Variants in NDUFA10 observed in about 807,000 individuals in gnomAD.
NDUFA10 encodes the protein NADH:ubiquinone oxidoreductase subunit A10.
Under a neutral mutation model 47.8 loss-of-function variants are expected in NDUFA10, and 40 were observed. The ratio of observed to expected loss-of-function variants is 0.84; its 90% confidence interval spans 0.65 to 1.09. NDUFA10 has a LOEUF of 1.09. NDUFA10 is among the 50% of genes least tolerant of loss of function. The probability of loss-of-function intolerance (pLI) is 0.00; values close to 1 mark genes in which losing one functional copy is unlikely to be tolerated. For synonymous variants in NDUFA10, 183 were observed against 172.2 expected (o/e 1.06, Z -0.49); for missense variants, 413 against 451.1 (o/e 0.92, Z 0.76).
intron 4 of NDUFA10, among the ~76,000 whole-genome samples, chr2:239,896,638 G>A (rs1297343764): frequency 6.6e-6 from 1 of 152,192 alleles, no homozygotes; most frequent in African/African-American, 2.4e-5. Flanking sequence ...CACATTTCTG[G>A]ATAATTAGGG....
intron 9 of NDUFA10, chr2:239,973,545 T>C (rs1315561031): frequency 2.1e-6 from 1 of 470,702 alleles, no homozygotes; most frequent in East Asian, 6.9e-5. Context: ...AGCAACTATC[T>C]TGGACACGAT....
At chr2:239,944,029 C>T (rs564162078) in intron 4 of NDUFA10, among the ~76,000 whole-genome samples, 1 of 152,178 alleles carries the variant, frequency 6.6e-6, no homozygotes, top group Admixed American at 6.5e-5. Context: ...TCCTGGGCCT[C>T]CCCTGTGTCC....
At chr2:239,919,954 C>T (rs1345176689) in intron 4 of NDUFA10, among the ~76,000 whole-genome samples, 8 of 152,194 alleles carry the variant, frequency 5.3e-5, no homozygotes, top group South Asian at 2.1e-4. Context: ...AGGATAGCCA[C>T]GGTCCAAGGC....
chr2:239,916,910 C>A (rs1337685312), intron 4 of NDUFA10, among the ~76,000 whole-genome samples: 3 of 152,262 alleles, frequency 2.0e-5, no homozygotes, highest in Non-Finnish European at 4.4e-5. Flanking sequence ...AGACTTGATG[C>A]CCAAGATCTG....
intron 8 of NDUFA10, among the ~76,000 whole-genome samples, chr2:239,998,813 C>T (rs1044654778): frequency 4.6e-5 from 7 of 152,174 alleles, no homozygotes; most frequent in Non-Finnish European, 1.0e-4. Flanking sequence ...TGTCAGTGTC[C>T]CTCACAGGAG....
At chr2:239,980,781 C>T (rs565007722) in intron 9 of NDUFA10, among the ~76,000 whole-genome samples, 9 of 152,294 alleles carry the variant, frequency 5.9e-5, no homozygotes, top group African/African-American at 1.9e-4. Context: ...GCTGAAGCCG[C>T]GGTGCCCTCG....
At chr2:239,995,103 A>G (rs1052214916) in intron 8 of NDUFA10, among the ~76,000 whole-genome samples, 1 of 152,118 alleles carries the variant, frequency 6.6e-6, no homozygotes, top group South Asian at 2.1e-4. Context: ...GCAAAACCCC[A>G]TTCCTACTAA....
intron 4 of NDUFA10, among the ~76,000 whole-genome samples, chr2:239,950,135 A>G (rs1443036612): frequency 6.6e-6 from 1 of 152,148 alleles, no homozygotes; most frequent in Non-Finnish European, 1.5e-5. Flanking sequence ...GTGGTGGCAG[A>G]GATTTAGAAA....
intron 4 of NDUFA10, among the ~76,000 whole-genome samples, chr2:239,904,716 C>T (rs999184978): frequency 2.0e-5 from 3 of 152,228 alleles, no homozygotes; most frequent in African/African-American, 4.8e-5. Context: ...CTGGGGCCAC[C>T]ATAACACCTG....
chr2:240,005,174 C>T, intron 8 of NDUFA10, 36 bp downstream of exon 8: 1 of 1,554,058 alleles, frequency 6.4e-7, no homozygotes, highest in Non-Finnish European at 8.9e-7. Flanking sequence ...CAAGTAGACC[C>T]CAGACATGCA....
chr2:239,947,041 G>T (rs1694467521), intron 4 of NDUFA10, among the ~76,000 whole-genome samples: 1 of 150,900 alleles, frequency 6.6e-6, no homozygotes, highest in South Asian at 2.1e-4. Context: ...CCTCCCATGG[G>T]ACTCCTCAGT....
intron 9 of NDUFA10, among the ~76,000 whole-genome samples, chr2:239,967,606 A>G (rs1022893449): frequency 2.0e-5 from 3 of 152,214 alleles, no homozygotes; most frequent in African/African-American, 7.2e-5. Flanking sequence ...TTACTTCCTA[A>G]GTGCCCACAG....
chr2:240,002,817 T>G (rs534067433), intron 8 of NDUFA10, among the ~76,000 whole-genome samples: 2 of 152,096 alleles, frequency 1.3e-5, no homozygotes, highest in African/African-American at 2.4e-5. Context: ...GTAAACCTAT[T>G]TTTTGCTTAT....
At chr2:239,993,306 T>C (rs1696328489) in intron 8 of NDUFA10, among the ~76,000 whole-genome samples, 1 of 152,244 alleles carries the variant, frequency 6.6e-6, no homozygotes, top group African/African-American at 2.4e-5. Context: ...TGTCATATGA[T>C]GCCCAGCAGT....
chr2:239,896,329 G>A (rs562301287), intron 4 of NDUFA10, among the ~76,000 whole-genome samples: 5 of 152,356 alleles, frequency 3.3e-5, no homozygotes, highest in South Asian at 4.1e-4. Context: ...AGACCTGGCC[G>A]AGCATTAAGC....
intron 3 of NDUFA10, among the ~76,000 whole-genome samples, chr2:240,019,188 C>A (rs949376493): frequency 6.6e-6 from 1 of 152,236 alleles, no homozygotes; most frequent in Non-Finnish European, 1.5e-5. Context: ...CCTCCTTCCT[C>A]AGAGCAGCCA....
chr2:239,955,936 C>G (rs73103621), downstream of NDUFA10, among the ~76,000 whole-genome samples: 20 of 152,194 alleles, frequency 1.3e-4, no homozygotes, highest in African/African-American at 4.3e-4. Flanking sequence ...GGCTCTGTGT[C>G]GAGTCCTCCA....
intron 8 of NDUFA10, among the ~76,000 whole-genome samples, chr2:240,000,096 T>A (rs1182717967): frequency 2.0e-5 from 3 of 152,238 alleles, no homozygotes; most frequent in African/African-American, 7.2e-5. Context: ...ACAGAATACC[T>A]GATATTCTCA....
At chr2:240,011,514 C>T (rs1574885808) in intron 6 of NDUFA10, 103 bp downstream of exon 6, 1 of 827,722 alleles carries the variant, frequency 1.2e-6, no homozygotes, top group Non-Finnish European at 2.1e-6. Flanking sequence ...CAGACAATAT[C>T]CACTGCAGTA....
Sources: gnomAD v4.1 joint callset for allele counts (sites outside exome capture counted in the v4.1 genomes callset) on GRCh38, gnomAD v4.1.1 for gene constraint, MANE v1.5 for transcripts, NCBI Gene and HGNC (gene_info 2026-07-23, HGNC 2026-07-21) for gene names.